FAM167A: variants seen among roughly 807,000 people sequenced by gnomAD.
FAM167A encodes protein FAM167A.
FAM167A carries 23 observed loss-of-function variants against 14.9 expected under a neutral mutation model. The observed-to-expected ratio is 1.55, with a 90% CI of 1.11 to 2.19. The LOEUF (loss-of-function observed/expected upper bound fraction) is 2.19, where lower values mean the gene tolerates loss of function less well. Ranked by LOEUF, FAM167A falls within the 30% of genes most tolerant of loss-of-function variation. FAM167A has a pLI of 0.00. For missense variants in FAM167A, 401 were observed against 281.5 expected, an observed-to-expected ratio of 1.42 and a Z score of -3.04; for synonymous variants, 174 against 117.7, an observed-to-expected ratio of 1.48 and a Z score of -3.10.
chr8:11,450,106 G>A (rs1047193246), intron 1 of FAM167A, among the ~76,000 whole-genome samples: 3 of 152,030 alleles, frequency 2.0e-5, no homozygotes, highest in Non-Finnish European at 2.9e-5. Flanking sequence ...CTCCTGTCCC[G>A]CCGGACACCA....
intron 2 of FAM167A, among the ~76,000 whole-genome samples, chr8:11,432,061 C>T (rs1805642727): frequency 6.6e-6 from 1 of 152,002 alleles, no homozygotes. Flanking sequence ...GAATTTGCAT[C>T]CTTACTCAAC....
At chr8:11,435,378 A>T (rs1432553880) in intron 2 of FAM167A, among the ~76,000 whole-genome samples, 1 of 152,244 alleles carries the variant, frequency 6.6e-6, no homozygotes, top group Non-Finnish European at 1.5e-5. Context: ...TGTCTAGATG[A>T]CAAAACACCA....
upstream of FAM167A, chr8:11,466,844 C>G (rs1349325728): frequency 6.6e-6 from 1 of 152,232 alleles, no homozygotes; most frequent in Admixed American, 6.5e-5. Context: ...CGCCGCGAGC[C>G]TTTCACCGCG....
upstream of FAM167A, among the ~76,000 whole-genome samples, chr8:11,470,250 C>A (rs1449261552): frequency 2.0e-5 from 3 of 151,546 alleles, no homozygotes; most frequent in African/African-American, 7.3e-5. Flanking sequence ...GCTGGCCTCG[C>A]TAATAAGGTG....
intron 1 of FAM167A, among the ~76,000 whole-genome samples, chr8:11,450,807 T>C (rs974448716): frequency 6.6e-6 from 1 of 152,224 alleles, no homozygotes; most frequent in African/African-American, 2.4e-5. Flanking sequence ...CCAGGCTTCC[T>C]GGGATGGTGC....
At chr8:11,457,623 G>A (rs1042270277) in intron 1 of FAM167A, among the ~76,000 whole-genome samples, 5 of 152,100 alleles carry the variant, frequency 3.3e-5, no homozygotes, top group South Asian at 2.1e-4. Context: ...GGCACACAGC[G>A]GGTGCTCAGG....
chr8:11,427,344 C>T (rs561859597), intron 2 of FAM167A, among the ~76,000 whole-genome samples: 30 of 152,184 alleles, frequency 2.0e-4, no homozygotes, highest in Admixed American at 3.3e-4. Context: ...TAGTGCAGAG[C>T]GCCTTCTGTA....
chr8:11,434,357 G>C (rs1805844587), intron 2 of FAM167A, among the ~76,000 whole-genome samples: 1 of 152,158 alleles, frequency 6.6e-6, no homozygotes, highest in African/African-American at 2.4e-5. Flanking sequence ...GTGGATGGGA[G>C]GGGGGCAGGT....
chr8:11,440,164 G>C (rs1287693547), intron 2 of FAM167A, among the ~76,000 whole-genome samples: 4 of 152,202 alleles, frequency 2.6e-5, no homozygotes, highest in Admixed American at 2.6e-4. Flanking sequence ...TGTCCCAGGA[G>C]CAGCGAGACT....
chr8:11,470,506 G>A (rs536803291), upstream of FAM167A, among the ~76,000 whole-genome samples: 2 of 152,328 alleles, frequency 1.3e-5, no homozygotes, highest in Admixed American at 6.5e-5. Context: ...GGCAGACCTC[G>A]TGAGGACTGG....
rs979056365 is a variant in FAM167A at position 11,451,954 on chromosome 8, C to T, written c.-397-7146G>A. ...AATGTCATTTTCTCTTGCTCACAAC[C>T]AAGAGCTGTAACTGAAATGAGACAG... On this transcript the variant is annotated intron_variant, in intron 1 of 2. Transcript: ENST00000284486. 2.0e-5 allele frequency among the ~76,000 whole-genome samples: 3 copies of T among 152,190 alleles called. No individual in the cohort carries two copies. In the East Asian group the frequency reaches 5.8e-4, roughly 29 times the overall value.
At chr8:11,440,155 G>C (rs1231313223) in intron 2 of FAM167A, among the ~76,000 whole-genome samples, 1 of 152,220 alleles carries the variant, frequency 6.6e-6, no homozygotes, top group Non-Finnish European at 1.5e-5. Context: ...CTGAGCCAGT[G>C]TCCCAGGAGC....
chr8:11,438,783 G>C, intron 2 of FAM167A: 1 of 332,824 alleles, frequency 3.0e-6, no homozygotes, highest in Admixed American at 4.2e-5. Context: ...GAAAGCACCG[G>C]GCTATGCAGA....
chr8:11,457,157 A>AG (rs1807363051), intron 1 of FAM167A, among the ~76,000 whole-genome samples: 1 of 150,884 alleles, frequency 6.6e-6, no homozygotes, highest in Non-Finnish European at 1.5e-5. Context: ...GGGTGGGATC[A>AG]GGGCTCCACA....
chr8:11,459,247 A>C (rs534066933), intron 1 of FAM167A, among the ~76,000 whole-genome samples: 11 of 152,206 alleles, frequency 7.2e-5, no homozygotes, highest in African/African-American at 2.4e-4. Context: ...TATTATCTCT[A>C]CTGCAGGCAA....
Position 11,444,207 on chromosome 8 carries a change from C to A in FAM167A, c.205G>T (p.Ala69Ser). 1 of 1,612,886 alleles carries A rather than the reference C, an allele frequency of 6.2e-7. No individual in the cohort carries two copies. The highest frequency in any genetic ancestry group is 8.5e-7 in the Non-Finnish European group (1 of 1,179,848). Reference protein sequence around the residue: ...PFPRPAAEPQASLEEGERGGQ... With the variant: ...PFPRPAAEPQSSLEEGERGGQ... ...CCACGCTCCCCCTCCTCCAAGCTCG[C>A]CTGTGGCTCCGCAGCCGGCCTCGGG... The change falls in exon 2 of 3, where the codon GCG (alanine) becomes TCG (serine). Residue 69 changes from alanine to serine, a missense_variant. By Grantham distance (99) the Ala-to-Ser change is moderately conservative. Coordinates refer to ENST00000284486, the MANE Select transcript of FAM167A (RefSeq NM_053279.3).
chr8:11,441,884 C>G (rs1022548348), intron 2 of FAM167A, among the ~76,000 whole-genome samples: 3 of 152,118 alleles, frequency 2.0e-5, no homozygotes, highest in African/African-American at 7.2e-5. Flanking sequence ...TTTTGGGAAT[C>G]AAACAGGAAA....
intron 2 of FAM167A, among the ~76,000 whole-genome samples, chr8:11,426,118 C>A (rs1055196180): frequency 3.9e-5 from 6 of 152,222 alleles, no homozygotes; most frequent in Admixed American, 2.0e-4. Flanking sequence ...TTTCTTTCTA[C>A]TGACTTCAAG....
intron 1 of FAM167A, among the ~76,000 whole-genome samples, chr8:11,457,996 C>T (rs1170440313): frequency 6.6e-6 from 1 of 152,210 alleles, no homozygotes; most frequent in Non-Finnish European, 1.5e-5. Context: ...AGCAGATGTT[C>T]AGTGTGTGCT....
Sources: allele counts gnomAD v4.1 joint callset (sites outside exome capture counted in the v4.1 genomes callset), GRCh38; gene constraint gnomAD v4.1.1; transcripts MANE v1.5; gene names NCBI Gene and HGNC (gene_info 2026-07-23, HGNC 2026-07-21).